The following SH3TC1 variants were observed in gnomAD, a reference collection of about 807,000 sequenced individuals.
SH3TC1 encodes the protein SH3 domain and tetratricopeptide repeat-containing protein 1.
Under a neutral mutation model 117.3 loss-of-function variants are expected in SH3TC1, and 135 were observed. That is an observed-to-expected ratio of 1.15 (90% CI 1.00 to 1.33). The LOEUF (loss-of-function observed/expected upper bound fraction) is 1.33, where lower values mean the gene tolerates loss of function less well. SH3TC1 is among the 40% of genes most tolerant of loss of function. The pLI, the probability that SH3TC1 is intolerant of heterozygous loss-of-function variation, is 0.00. For missense variants in SH3TC1, 2,092 were observed against 1,794.3 expected, an observed-to-expected ratio of 1.17 and a Z score of -3.00; for synonymous variants, 898 against 816.9, an observed-to-expected ratio of 1.10 and a Z score of -1.69.
chr4:8,226,676 T>C (rs1264399609), intron 11 of SH3TC1, among the ~76,000 whole-genome samples: 1 of 152,194 alleles, frequency 6.6e-6, no homozygotes, highest in Admixed American at 6.5e-5. Context: ...AGCTGACACA[T>C]AGTCTCCTAA....
At position 8,232,042 on chromosome 4, in the gene SH3TC1, G is replaced by A; in HGVS notation, c.3017G>A (p.Cys1006Tyr). 6.2e-7 allele frequency: 1 copy of A among 1,613,424 alleles called. No individual in the cohort carries two copies. Reference sequence around the variant, plus strand: ...GCCGTCATGCCCAGCGAGGCCCAGTGTGTCATCTACCATGAGCTCCAGCTC... The same window carrying A: ...GCCGTCATGCCCAGCGAGGCCCAGTATGTCATCTACCATGAGCTCCAGCTC... ...YSAVMPSEAQ[C>Y]VIYHELQLSL... Residue 1006 changes from cysteine (C) to tyrosine (Y), a missense_variant, in exon 13 of 18, where the codon TGT (cysteine) becomes TAT (tyrosine). Coordinates refer to ENST00000245105, the MANE Select transcript of SH3TC1 (RefSeq NM_018986.5).
chr4:8,235,665 T>C, intron 15 of SH3TC1, 110 bp downstream of exon 15: 2 of 1,386,660 alleles, frequency 1.4e-6, no homozygotes, highest in Middle Eastern at 2.6e-4. Context: ...GGGCCGCCCA[T>C]GCACATGCTT....
chr4:8,228,299 G>A lies in SH3TC1; in HGVS notation c.2605G>A (p.Val869Met). ...CCAGGAGGGCGTGATTGCCAACATG[G>A]TGGCCGTGGCTCTGAAGAGGACGGG... ...EDQEGVIANM[V>M]AVALKRTGRT... The change falls in exon 12 of 18, where the codon GTG (valine) becomes ATG (methionine). Residue 869 changes from valine (V) to methionine (M), a missense_variant. By Grantham distance (21) the Val-to-Met change is conservative. Transcript: ENST00000245105. 1 of 1,612,276 alleles carries A rather than the reference G, an allele frequency of 6.2e-7. No homozygotes were observed. Among genetic ancestry groups the A allele is most frequent in the Non-Finnish European group, 8.5e-7 (1 of 1,179,918 alleles).
At position 8,205,365 on chromosome 4, in the gene SH3TC1, C is replaced by T. The variant is rs149263292; in HGVS notation, c.171C>T (p.Gly57=). The T allele has an allele frequency of 1.2e-5, 19 of 1,545,398 alleles. No homozygotes were observed. In the East Asian group the frequency reaches 2.2e-4, roughly 18 times the overall value. The change falls in exon 2 of 18, where the codon GGC becomes GGT. Residue 57 remains glycine, a splice_region_variant and synonymous_variant. Coordinates refer to ENST00000245105, the MANE Select transcript of SH3TC1 (RefSeq NM_018986.5). This position sits in a 1 kb window ranked among gnomAD's most constrained non-coding sequence, Gnocchi z 5.4. ...AGGAGGCCAAGGCGCCAGTGAGAGG[C>T]GGTGAGTTCATTCCACCCTCACCAC... The part of the protein sequence containing the change: ...GPEEAKAPVR[G]DEAPPARVAG...
chr4:8,227,477 G>A lies in SH3TC1; in HGVS notation c.1783G>A (p.Gly595Arg), dbSNP rs751618400. ...GCTGGGGGCCCTGGAGGGCAGCTTC[G>A]GGGACCTGTTCCTAGTGGTGGCTGT... ...EALGALEGSFGDLFLVVAVYA... is the reference protein window; with the variant it reads ...EALGALEGSFRDLFLVVAVYA... Residue 595 changes from glycine (G) to arginine (R), a missense_variant, in exon 12 of 18, where the codon GGG (glycine) becomes AGG (arginine). By Grantham distance (125) the Gly-to-Arg change is moderately radical. Coordinates refer to ENST00000245105, the MANE Select transcript of SH3TC1 (RefSeq NM_018986.5). 26 of 1,565,862 alleles carry A rather than the reference G, an allele frequency of 1.7e-5. No homozygotes were observed. Among genetic ancestry groups the A allele is most frequent in the East Asian group, 2.2e-5 (1 of 44,686 alleles).
chr4:8,225,546 C>T lies in SH3TC1; in HGVS notation c.1285+330C>T, dbSNP rs1332384434. 6.6e-6 allele frequency among the ~76,000 whole-genome samples: 1 copy of T among 152,188 alleles called. No homozygotes were observed. The highest frequency in any genetic ancestry group is 1.5e-5 in the Non-Finnish European group (1 of 68,032). ...TGACCTGGAGAAGCTGCAGCTTGCC[C>T]TCTGCTCTGCCTCAGAGATGGGAGG... On this transcript the variant is annotated intron_variant, in intron 11 of 17. Transcript: ENST00000245105. This position sits in a 1 kb window ranked among gnomAD's most constrained non-coding sequence, Gnocchi z 5.5.
rs1281138 is a variant in SH3TC1 at position 8,218,302 on chromosome 4, G to A, written c.871G>A (p.Asp291Asn). The A allele has an allele frequency of 0.027, 43,326 of 1,611,906 alleles. 690 individuals are homozygous for A. Among genetic ancestry groups the A allele is most frequent in the Non-Finnish European group, 0.033 (38,765 of 1,178,344 alleles). ...WALRIPQDPIDDAMGGPVMPG... is the reference protein window; with the variant it reads ...WALRIPQDPINDAMGGPVMPG... ...TCTTAGGATCCCCCAGGACCCCATC[G>A]ACGATGCCATGGGTGGCCCTGTGAT... Residue 291 changes from aspartate to asparagine, a missense_variant, in exon 8 of 18, where the codon GAC becomes AAC. Physicochemically the swap from Asp to Asn is conservative, Grantham distance 23. Coordinates refer to ENST00000245105, the MANE Select transcript of SH3TC1 (RefSeq NM_018986.5).
chr4:8,219,540 TG>T lies in SH3TC1; in HGVS notation c.1112+12del. 1 of 1,527,766 alleles carries T rather than the reference TG, an allele frequency of 6.5e-7. No homozygotes were observed. Among genetic ancestry groups the T allele is most frequent in the Non-Finnish European group, 8.8e-7 (1 of 1,131,428 alleles). 94.6% of individuals were successfully genotyped at this position (1,527,766 alleles called of 1,614,324 possible). ...AGGGCCCCGTGTCCGAGTGAGTGGC[TG>T]GAGCCCCGCCCCTTTCCTGAACCCA... On this transcript the variant is annotated intron_variant, in intron 9 of 17. Coordinates refer to ENST00000245105, the MANE Select transcript of SH3TC1 (RefSeq NM_018986.5).
chr4:8,182,451 A>G (rs1717104742), intron 1 of SH3TC1, among the ~76,000 whole-genome samples: 1 of 152,144 alleles, frequency 6.6e-6, no homozygotes, highest in African/African-American at 2.4e-5. Flanking sequence ...GAAATGGGCC[A>G]ATAGCCTGAT....
At chr4:8,207,910 A>T (rs982256413) in intron 2 of SH3TC1, among the ~76,000 whole-genome samples, 1 of 152,174 alleles carries the variant, frequency 6.6e-6, no homozygotes, top group African/African-American at 2.4e-5. Context: ...ATCAACTTCA[A>T]TAGGGATGGC....
rs1719678047 is a variant in SH3TC1, at chr4:8,219,420, C to T, written c.1002C>T (p.Ile334=). The T allele has an allele frequency of 6.2e-7, 1 of 1,611,604 alleles. No homozygotes were observed. Among genetic ancestry groups the T allele is most frequent in the African/African-American group, 1.3e-5 (1 of 74,902 alleles). Residue 334 remains isoleucine, a synonymous_variant, in exon 9 of 18, where the codon ATC becomes ATT. Transcript: ENST00000245105. ...MTFRGGDLIE[I]LGAQVPSLPW... ...TCCGAGGTGGCGACCTCATCGAGAT[C>T]CTTGGGGCGCAGGTGCCCAGCCTGC...
In SH3TC1 at chr4:8,230,203, G is replaced by A. The variant is rs146135841; in HGVS notation, c.2950+1559G>A. Among the ~76,000 whole-genome samples, 304 of 152,356 alleles carry A rather than the reference G, an allele frequency of 2.0e-3. 2 individuals carry two copies. Among genetic ancestry groups the A allele is most frequent in the Middle Eastern group, 6.8e-3 (2 of 294 alleles). On this transcript the variant is annotated intron_variant, in intron 12 of 17. Transcript: ENST00000245105. ...TGATCTGATTTGTTGGCATACAATT[G>A]TTCGTAGTGTTCTCATGGAATCCTT...
chr4:8,236,698 C>T (rs1232274581), intron 16 of SH3TC1: 3 of 396,066 alleles, frequency 7.6e-6, no homozygotes, highest in Admixed American at 4.2e-5. Flanking sequence ...CTCTGCCTTC[C>T]AGACATGCCA....
intron 12 of SH3TC1, chr4:8,231,676 G>C (rs981585085): frequency 2.4e-6 from 1 of 410,748 alleles, no homozygotes. Flanking sequence ...TCGTCAGCTC[G>C]GGCTGAAGGC....
Position 8,205,832 on chromosome 4 carries a change from C to T in SH3TC1, c.172+466C>T, listed in dbSNP as rs932897410. 8 of 595,822 alleles carry T rather than the reference C, an allele frequency of 1.3e-5. No homozygotes were observed. Among genetic ancestry groups the T allele is most frequent in the South Asian group, 2.0e-5 (1 of 49,394 alleles). 36.9% of individuals were successfully genotyped at this position (595,822 alleles called of 1,614,324 possible). A position where few individuals can be genotyped will look rare whatever the true frequency, so the allele number is the denominator to read the frequency against. On this transcript the variant is annotated intron_variant, in intron 2 of 17. Coordinates refer to ENST00000245105, the MANE Select transcript of SH3TC1 (RefSeq NM_018986.5). The surrounding 1 kb of genome is among the most constrained non-coding windows in gnomAD (Gnocchi z 5.4). Reference sequence around the variant, plus strand: ...ACGTGTGCCCAGTTTCCTGAATTCCCGGGAGACCTGAAGAGTGACCTAGGT... The same window carrying T: ...ACGTGTGCCCAGTTTCCTGAATTCCTGGGAGACCTGAAGAGTGACCTAGGT...
chr4:8,234,689 CCT>C (rs1721648396), intron 14 of SH3TC1, among the ~76,000 whole-genome samples: 1 of 152,190 alleles, frequency 6.6e-6, no homozygotes. Flanking sequence ...ATGCCTTTCC[CCT>C]CTCTCCCACT....
rs770410200 is a variant in SH3TC1, at chr4:8,216,141, T to G, written c.512T>G (p.Leu171Arg). The G allele has an allele frequency of 2.5e-6, 4 of 1,613,600 alleles. No individual in the cohort carries two copies. In the South Asian group the frequency reaches 4.4e-5, roughly 18 times the overall value. ...ACTCATCACTGCCTGGCAAACCTGC[T>G]CATGGACCAGGCCTTCTGGCTGCTC... ...GFTHHCLANL[L>R]MDQAFWLLLP... Residue 171 changes from leucine to arginine, a missense_variant, in exon 6 of 18, where the codon CTC becomes CGC. Leu to Arg is a moderately radical substitution (Grantham distance 102). Transcript: ENST00000245105.
At position 8,192,036 on chromosome 4, in the gene SH3TC1, C is replaced by A. The variant is rs1392837931; in HGVS notation, c.-57+9826C>A. Among the ~76,000 whole-genome samples the A allele has an allele frequency of 6.6e-6, 1 of 152,002 alleles. No individual in the cohort carries two copies. The highest frequency in any genetic ancestry group is 1.5e-5 in the Non-Finnish European group (1 of 68,014). The stretch of plus-strand genomic sequence containing the variant: ...ACGGAGTCTTGCTCTGTCACCCAGG[C>A]TGGAGTGCAATGGCGCGATCTCGGC... On this transcript the variant is annotated intron_variant, in intron 1 of 16. Coordinates refer to the SH3TC1 transcript ENST00000508641. This position sits in a 1 kb window ranked among gnomAD's most constrained non-coding sequence, Gnocchi z 4.1.
At chr4:8,211,938 G>T (rs573527275) in intron 3 of SH3TC1, among the ~76,000 whole-genome samples, 2 of 152,144 alleles carry the variant, frequency 1.3e-5, no homozygotes, top group African/African-American at 4.8e-5. Flanking sequence ...GGTCCCAATG[G>T]CTCTGCGCAG....
Sources: gnomAD v4.1 joint callset for allele counts (sites outside exome capture counted in the v4.1 genomes callset) on GRCh38, gnomAD v4.1.1 for gene constraint, Gnocchi (gnomAD v3.1) non-coding constraint, MANE v1.5 for transcripts, NCBI Gene and HGNC (gene_info 2026-07-23, HGNC 2026-07-21) for gene names.